Variants in EGF observed in about 807,000 individuals in gnomAD.
EGF encodes the protein pro-epidermal growth factor.
Under a neutral mutation model 143.8 loss-of-function variants are expected in EGF, and 95 were observed. The observed-to-expected ratio is 0.66, with a 90% CI of 0.56 to 0.78. EGF has a LOEUF of 0.78. Ranked by LOEUF, EGF falls within the 30% of genes least tolerant of loss-of-function variation. EGF has a pLI of 0.00. For missense variants in EGF, 1,320 were observed against 1,470.9 expected (o/e 0.90, Z 1.68); for synonymous variants, 510 against 510.5 (o/e 1.00, Z 0.01).
At chr4:109,988,761 G>C (rs763891004) in intron 18 of EGF, 52 bp downstream of exon 18, 2 of 1,611,036 alleles carry the variant, frequency 1.2e-6, no homozygotes. Context: ...CTCAGAAATC[G>C]GGAAACAATG....
intron 1 of EGF, among the ~76,000 whole-genome samples, chr4:109,932,579 C>T (rs1194852525): frequency 3.3e-5 from 5 of 151,116 alleles, no homozygotes; most frequent in Admixed American, 6.6e-5. Flanking sequence ...GGGGTTTCAC[C>T]GTGTTAGCCA....
intron 1 of EGF, among the ~76,000 whole-genome samples, chr4:109,923,511 A>C (rs1434269853): frequency 6.6e-6 from 1 of 151,690 alleles, no homozygotes; most frequent in Non-Finnish European, 1.5e-5. Context: ...CAGTAGATTA[A>C]TTTTTAGAAT....
chr4:109,933,554 C>A (rs1740197185), intron 1 of EGF, among the ~76,000 whole-genome samples: 1 of 151,900 alleles, frequency 6.6e-6, no homozygotes, highest in Non-Finnish European at 1.5e-5. Context: ...GTATTTCTCC[C>A]AACGCTATCC....
chr4:109,944,467 A>G (rs961272282), intron 4 of EGF, among the ~76,000 whole-genome samples: 1 of 152,194 alleles, frequency 6.6e-6, no homozygotes, highest in Non-Finnish European at 1.5e-5. Context: ...CAAGCTCCAG[A>G]TTTACCGTCT....
intron 21 of EGF, chr4:110,004,294 T>C: frequency 1.7e-6 from 1 of 584,358 alleles, no homozygotes; most frequent in Non-Finnish European, 3.1e-6. Context: ...TTGGAAAGAG[T>C]GAAACACTGT....
intron 19 of EGF, among the ~76,000 whole-genome samples, chr4:109,993,866 A>T (rs1352738288): frequency 6.6e-6 from 1 of 152,102 alleles, no homozygotes; most frequent in East Asian, 1.9e-4. Flanking sequence ...TTCTTCCCAT[A>T]ACAGCAGTAA....
intron 20 of EGF, among the ~76,000 whole-genome samples, chr4:109,999,003 G>A (rs969691625): frequency 6.6e-6 from 1 of 151,698 alleles, no homozygotes; most frequent in Non-Finnish European, 1.5e-5. Context: ...AAGTTCAGCA[G>A]TTCACTCTAG....
At position 109,913,419 on chromosome 4, in the gene EGF, T is replaced by C; in HGVS notation, c.84T>C (p.Cys28=). ...VSLSAPQHWS[C]PEGTLAGNGN... is the part of the protein sequence containing the mutation. ...TCTCAGCACCGCAGCACTGGAGCTGTCCTGAAGGTACTCTCGCAGGAAATG... is the reference window on the plus strand; with the variant it reads ...TCTCAGCACCGCAGCACTGGAGCTGCCCTGAAGGTACTCTCGCAGGAAATG... Residue 28 remains cysteine, a synonymous_variant, in exon 1 of 24, where the codon TGT becomes TGC. Coordinates refer to ENST00000265171, the MANE Select transcript of EGF (RefSeq NM_001963.6). 1 of 1,613,986 alleles carries C rather than the reference T, an allele frequency of 6.2e-7. No individual in the cohort carries two copies. The highest frequency in any genetic ancestry group is 8.5e-7 in the Non-Finnish European group (1 of 1,179,930).
chr4:110,005,362 T>C (rs1179133012), intron 22 of EGF, among the ~76,000 whole-genome samples: 2 of 152,032 alleles, frequency 1.3e-5, no homozygotes, highest in African/African-American at 2.4e-5. Context: ...ATTTTCTTAA[T>C]ATTTCTTAAT....
intron 21 of EGF, chr4:110,001,584 G>GT (rs2126179102): frequency 1.0e-6 from 1 of 982,954 alleles, no homozygotes; most frequent in African/African-American, 1.7e-5. Flanking sequence ...ATTATTAAGT[G>GT]TTTTTTCCTA....
chr4:109,986,917 T>C (rs1578350037), intron 16 of EGF, among the ~76,000 whole-genome samples: 1 of 152,328 alleles, frequency 6.6e-6, no homozygotes, highest in East Asian at 1.9e-4. Context: ...ACATAAATCT[T>C]GATAATAAAC....
Position 109,985,415 on chromosome 4 carries a change from G to A in EGF, c.2491+1874G>A, listed in dbSNP as rs2298997. Among the ~76,000 whole-genome samples, 2,443 of 152,276 alleles carry A rather than the reference G, an allele frequency of 0.016. 194 individuals are homozygous for A. The East Asian group carries it at 0.22, about 13-fold the overall frequency. ...TAGAGTATAATCTAAAATTCTTAACGTGGCCTTTTGGGCCCTGTATGAAAC... is the reference window on the plus strand; with the variant it reads ...TAGAGTATAATCTAAAATTCTTAACATGGCCTTTTGGGCCCTGTATGAAAC... On this transcript the variant is annotated intron_variant, in intron 16 of 23. Coordinates refer to ENST00000265171, the MANE Select transcript of EGF (RefSeq NM_001963.6).
chr4:109,982,814 A>T (rs183095574), intron 15 of EGF, among the ~76,000 whole-genome samples: 1 of 152,320 alleles, frequency 6.6e-6, no homozygotes, highest in East Asian at 1.9e-4. Flanking sequence ...TAGTATTATT[A>T]TGAAAAGAAT....
chr4:109,943,146 A>G (rs1742203662), intron 2 of EGF, 108 bp from the exon 3 acceptor site: 2 of 810,778 alleles, frequency 2.5e-6, no homozygotes, highest in Admixed American at 6.1e-5. Flanking sequence ...GGAACTGCAT[A>G]AAGATGACAA....
At chr4:109,959,192 G>A (rs982385798) in intron 5 of EGF, 120 bp from the exon 6 acceptor site, 9 of 1,505,574 alleles carry the variant, frequency 6.0e-6, no homozygotes, top group East Asian at 2.4e-5. Flanking sequence ...GTTTGCCTCC[G>A]TGAGAGATGC....
rs11568968 is a variant in EGF, at chr4:109,965,649, G to T, written c.1575+1112G>T. Among the ~76,000 whole-genome samples the T allele has an allele frequency of 7.8e-4, 118 of 152,104 alleles. 1 individual carries two copies. Among genetic ancestry groups the T allele is most frequent in the African/African-American group, 2.8e-3 (115 of 41,530 alleles). On this transcript the variant is annotated intron_variant, in intron 10 of 23. Transcript: ENST00000265171. ...GTCAGGTGGCTGGTTTTTGTTTCTT[G>T]GGTTAATTTTCTTATTTTCTTGCTA... is the stretch of plus-strand genomic sequence containing the variant.
intron 3 of EGF, among the ~76,000 whole-genome samples, 193 bp from the exon 4 acceptor site, chr4:109,943,649 T>C (rs1196377245): frequency 2.6e-5 from 4 of 152,124 alleles, no homozygotes; most frequent in Non-Finnish European, 5.9e-5. Context: ...TTTTCTGCTA[T>C]AGAGGCATAA....
chr4:109,970,529 T>G (rs903642013), intron 11 of EGF, among the ~76,000 whole-genome samples: 1 of 152,160 alleles, frequency 6.6e-6, no homozygotes, highest in Non-Finnish European at 1.5e-5. Flanking sequence ...GAAATATCTC[T>G]TTTTATCAGG....
intron 10 of EGF, among the ~76,000 whole-genome samples, chr4:109,967,967 G>A (rs1746881033): frequency 1.3e-5 from 2 of 152,118 alleles, no homozygotes; most frequent in African/African-American, 2.4e-5. Context: ...TTGCAGAACT[G>A]GAAGTTGCAC....
Sources: gnomAD v4.1 joint callset for allele counts (sites outside exome capture counted in the v4.1 genomes callset) on GRCh38, gnomAD v4.1.1 for gene constraint, MANE v1.5 for transcripts, NCBI Gene and HGNC (gene_info 2026-07-23, HGNC 2026-07-21) for gene names.